The following TLCD4 variants were observed in gnomAD, a reference collection of about 807,000 sequenced individuals.
The protein encoded by TLCD4 is TLC domain-containing protein 4.
In TLCD4, 7 loss-of-function variants were observed where a neutral mutation model predicts 24.2. The observed-to-expected ratio is 0.29, with a 90% confidence interval of 0.16 to 0.54. The LOEUF is 0.54. Ranked by LOEUF, TLCD4 falls within the 20% of genes least tolerant of loss-of-function variation. TLCD4 has a pLI of 0.95. For missense variants in TLCD4, 259 were observed against 313.9 expected (o/e 0.82, Z 1.32); for synonymous variants, 103 against 106.4 (o/e 0.97, Z 0.20).
intron 1 of TLCD4, among the ~76,000 whole-genome samples, chr1:95,119,971 T>C (rs926849081): frequency 5.9e-5 from 9 of 152,182 alleles, no homozygotes; most frequent in African/African-American, 2.2e-4. Flanking sequence ...GATAATGAAT[T>C]AATTGTCTGG....
intron 6 of TLCD4, among the ~76,000 whole-genome samples, chr1:95,176,997 A>C (rs1309019128): frequency 6.6e-6 from 1 of 152,154 alleles, no homozygotes; most frequent in African/African-American, 2.4e-5. Context: ...TCCTAATTCC[A>C]GATACACCTT....
chr1:95,150,435 A>G (rs1571746005), intron 4 of TLCD4, among the ~76,000 whole-genome samples, 169 bp downstream of exon 4: 2 of 152,302 alleles, frequency 1.3e-5, no homozygotes, highest in Non-Finnish European at 2.9e-5. Context: ...TTTTCATGAA[A>G]TGGTTTTCTG....
intron 3 of TLCD4, among the ~76,000 whole-genome samples, 177 bp downstream of exon 3, chr1:95,148,968 A>G (rs1677421883): frequency 6.6e-6 from 1 of 152,240 alleles, no homozygotes; most frequent in Non-Finnish European, 1.5e-5. Context: ...AGATTTGAAC[A>G]CAAATGAAGG....
intron 1 of TLCD4, among the ~76,000 whole-genome samples, chr1:95,119,551 A>G (rs1353591892): frequency 6.6e-6 from 1 of 152,214 alleles, no homozygotes; most frequent in African/African-American, 2.4e-5. Flanking sequence ...TCAAAAGGGA[A>G]GTGGCACAGC....
chr1:95,140,437 A>G (rs1677165545), intron 1 of TLCD4, among the ~76,000 whole-genome samples: 1 of 152,208 alleles, frequency 6.6e-6, no homozygotes, highest in Non-Finnish European at 1.5e-5. Flanking sequence ...TATGCAGTGC[A>G]TGACTGTACT....
intron 1 of TLCD4, among the ~76,000 whole-genome samples, chr1:95,132,758 G>A (rs1676931295): frequency 6.6e-6 from 1 of 152,168 alleles, no homozygotes; most frequent in African/African-American, 2.4e-5. Flanking sequence ...TAGGAAACAA[G>A]TAGATAGAAG....
At chr1:95,144,814 C>T (rs1369481171) in intron 2 of TLCD4, among the ~76,000 whole-genome samples, 2 of 152,058 alleles carry the variant, frequency 1.3e-5, no homozygotes, top group Non-Finnish European at 2.9e-5. Context: ...CCTCAGCTTC[C>T]TGAGTAGCTG....
rs184036349 is a variant in TLCD4, at chr1:95,153,177, C to T, written c.399+1758C>T. Among the ~76,000 whole-genome samples, 33 of 151,848 alleles carry T rather than the reference C, an allele frequency of 2.2e-4. No homozygotes were observed. The East Asian group carries it at 5.4e-3, about 25-fold the overall frequency. ...AATGGGGAATTACTGTTTAATGGTA[C>T]AGAGTTTCCATTTGGGAATATGGAA... On this transcript the variant is annotated intron_variant, in intron 5 of 6. Coordinates refer to ENST00000370203, the MANE Select transcript of TLCD4 (RefSeq NM_152487.3).
At chr1:95,161,853 T>C (rs1005227239) in intron 5 of TLCD4, among the ~76,000 whole-genome samples, 1 of 152,248 alleles carries the variant, frequency 6.6e-6, no homozygotes, top group African/African-American at 2.4e-5. Flanking sequence ...TTGATTGCAC[T>C]GTGGTCTGAG....
At chr1:95,176,077 G>A (rs1678414061) in intron 6 of TLCD4, among the ~76,000 whole-genome samples, 1 of 151,638 alleles carries the variant, frequency 6.6e-6, no homozygotes, top group South Asian at 2.1e-4. Context: ...TGCCTGGCTG[G>A]TCATGCGGTT....
At chr1:95,112,848 C>T (rs1203515279), upstream of TLCD4, among the ~76,000 whole-genome samples, 1 of 152,060 alleles carries the variant, frequency 6.6e-6, no homozygotes, top group Admixed American at 6.6e-5. Context: ...GCATTTGTAT[C>T]TAAAATTTAG....
chr1:95,109,901 A>ATG, the TLCD4 span, among the ~76,000 whole-genome samples: 1 of 125,338 alleles, frequency 8.0e-6, no homozygotes, highest in East Asian at 2.4e-4. Flanking sequence ...CATACACATA[A>ATG]TGTGTGTATG....
intron 1 of TLCD4, among the ~76,000 whole-genome samples, chr1:95,127,105 T>C (rs986770199): frequency 2.0e-5 from 3 of 152,220 alleles, no homozygotes; most frequent in Non-Finnish European, 4.4e-5. Flanking sequence ...AACCCGCAGG[T>C]CACAGAGGTT....
rs1437381465 is a variant in TLCD4 at position 95,193,546 on chromosome 1, CT to C, written c.*1681del. 6.6e-6 allele frequency: 1 copy of C among 152,042 alleles called. No individual in the cohort carries two copies. The highest frequency in any genetic ancestry group is 1.9e-4 in the East Asian group (1 of 5,198). 9.4% of individuals were successfully genotyped at this position (152,042 alleles called of 1,614,324 possible). On this transcript the variant is annotated 3_prime_UTR_variant, in exon 7 of 7. Coordinates refer to ENST00000370203, the MANE Select transcript of TLCD4 (RefSeq NM_152487.3). ...AGTTTGAAGGAGAACGTTTGACTCA[CT>C]TTCATTGTTCATGCTAGCTGAATAT...
rs1357409373 is a variant in TLCD4, at chr1:95,165,447, TAGTATG to T, written c.400-8368_400-8363del. Reference sequence around the variant, plus strand: ...TTGTTGAGTGGAATTCTTGGGCAAATAGTATGTGTGTGTGTGTGTGTTTTTTTTTTT... The same window carrying T: ...TTGTTGAGTGGAATTCTTGGGCAAATTGTGTGTGTGTGTGTTTTTTTTTTT... On this transcript the variant is annotated intron_variant, in intron 5 of 6. Coordinates refer to ENST00000370203, the MANE Select transcript of TLCD4 (RefSeq NM_152487.3). 2.5e-3 allele frequency among the ~76,000 whole-genome samples: 377 copies of T among 150,714 alleles called. 3 individuals are homozygous for T. The highest frequency in any genetic ancestry group is 8.6e-3 in the African/African-American group (353 of 40,922).
chr1:95,102,386 A>C, the TLCD4 span, among the ~76,000 whole-genome samples: 1 of 152,192 alleles, frequency 6.6e-6, no homozygotes, highest in Non-Finnish European at 1.5e-5. Context: ...TGACTGACAG[A>C]ATTTGCTGTG....
At chr1:95,097,001 C>T in the TLCD4 span, among the ~76,000 whole-genome samples, 1 of 152,184 alleles carries the variant, frequency 6.6e-6, no homozygotes, top group Admixed American at 6.5e-5. Flanking sequence ...CCATCCCTTT[C>T]TTTTCACTCT....
chr1:95,109,765 A>G, the TLCD4 span, among the ~76,000 whole-genome samples: 3 of 151,606 alleles, frequency 2.0e-5, no homozygotes, highest in Non-Finnish European at 2.9e-5. Context: ...TTGGTATTAC[A>G]AGCGTGAGTC....
chr1:95,151,321 A>C lies in TLCD4; in HGVS notation c.305-4A>C, dbSNP rs1016653577. On this transcript the variant is annotated splice_region_variant and splice_polypyrimidine_tract_variant and intron_variant, in intron 4 of 6. Coordinates refer to ENST00000370203, the MANE Select transcript of TLCD4 (RefSeq NM_152487.3). ...AATACCTTACTCACTTTTCTTTCTT[A>C]CAGATTTGTCCATTATAATTTTGTA... is the stretch of plus-strand genomic sequence containing the variant. 2.5e-6 allele frequency: 4 copies of C among 1,612,488 alleles called. No homozygotes were observed. In the Admixed American group the frequency reaches 5.0e-5, roughly 20 times the overall value.
Sources: allele counts gnomAD v4.1 joint callset (sites outside exome capture counted in the v4.1 genomes callset), GRCh38; gene constraint gnomAD v4.1.1; transcripts MANE v1.5; gene names NCBI Gene and HGNC (gene_info 2026-07-23, HGNC 2026-07-21).